RPS6KC1: variants seen among roughly 807,000 people sequenced by gnomAD.
RPS6KC1 encodes ribosomal protein S6 kinase C1.
Under a neutral mutation model 103.8 loss-of-function variants are expected in RPS6KC1, and 54 were observed. That is an observed-to-expected ratio of 0.52 (90% confidence interval 0.42 to 0.65). RPS6KC1 has a LOEUF of 0.65. Among genes scored for constraint, RPS6KC1 ranks in the 30% least tolerant of loss-of-function variants. The pLI is 0.00. For synonymous variants in RPS6KC1, 439 were observed against 438.7 expected (o/e 1.00, Z -0.01); for missense variants, 1,151 against 1,253.8 (o/e 0.92, Z 1.24).
In RPS6KC1 at chr1:213,051,263, G is replaced by C; in HGVS notation, c.-142G>C. 2 of 627,892 alleles carry C rather than the reference G, an allele frequency of 3.2e-6. No individual in the cohort carries two copies. The highest frequency in any genetic ancestry group is 5.6e-6 in the Non-Finnish European group (2 of 355,360). The allele number at this position is 627,892 out of a possible 1,614,324, so 38.9% of individuals were successfully genotyped here. ...GCTGACCCGGAAGCAGAGCTGTGCAGCTGAGGCGCCGCCGTGGAGCCGCCT... is the reference window on the plus strand; with the variant it reads ...GCTGACCCGGAAGCAGAGCTGTGCACCTGAGGCGCCGCCGTGGAGCCGCCT... On this transcript the variant is annotated 5_prime_UTR_variant, in exon 1 of 15. Coordinates refer to ENST00000366960, the MANE Select transcript of RPS6KC1 (RefSeq NM_012424.6).
chr1:213,560,622 C>G, the RPS6KC1 span, among the ~76,000 whole-genome samples: 1 of 152,200 alleles, frequency 6.6e-6, no homozygotes, highest in Middle Eastern at 3.4e-3. Flanking sequence ...CCTTTGAGAC[C>G]CTAAGTAGGG....
the RPS6KC1 span, among the ~76,000 whole-genome samples, chr1:213,665,959 A>C: frequency 1.3e-5 from 2 of 152,242 alleles, no homozygotes; most frequent in African/African-American, 4.8e-5. Flanking sequence ...ATTATATAAA[A>C]ACTTTTAATA....
intron 6 of RPS6KC1, among the ~76,000 whole-genome samples, chr1:213,151,389 A>G (rs1157513848): frequency 8.0e-6 from 1 of 125,186 alleles, no homozygotes; most frequent in Non-Finnish European, 1.7e-5. Context: ...CTGGCCGGGC[A>G]GAGGGGCTCC....
chr1:213,478,826 G>A, the RPS6KC1 span, among the ~76,000 whole-genome samples: 7,567 of 151,994 alleles, frequency 0.05, 613 homozygotes, highest in African/African-American at 0.17. Context: ...AAAATATCAC[G>A]GATGAAGTTT....
the RPS6KC1 span, among the ~76,000 whole-genome samples, chr1:213,326,032 G>C: frequency 2.0e-5 from 3 of 152,230 alleles, no homozygotes; most frequent in East Asian, 5.8e-4. Flanking sequence ...TAGGGATGCT[G>C]TTTTGTTTTC....
chr1:213,078,232 T>C (rs1412159442), intron 3 of RPS6KC1, among the ~76,000 whole-genome samples: 3 of 26,572 alleles, frequency 1.1e-4, no homozygotes, highest in Non-Finnish European at 4.2e-4. Context: ...CTTAGTATTC[T>C]TTTTTTTTTT....
At chr1:213,254,716 A>C (rs2094604302) in intron 12 of RPS6KC1, among the ~76,000 whole-genome samples, 1 of 152,214 alleles carries the variant, frequency 6.6e-6, no homozygotes, top group South Asian at 2.1e-4. Context: ...TAAGGACAAA[A>C]ATCCAGGATT....
chr1:213,465,197 C>G, the RPS6KC1 span, among the ~76,000 whole-genome samples: 22 of 152,168 alleles, frequency 1.4e-4, no homozygotes, highest in African/African-American at 3.9e-4. Context: ...TCCCCTACCC[C>G]CTCTCTTTTG....
At chr1:213,406,030 C>T in the RPS6KC1 span, among the ~76,000 whole-genome samples, 26 of 152,298 alleles carry the variant, frequency 1.7e-4, no homozygotes, top group South Asian at 4.1e-4. Flanking sequence ...GGGTGAGTCC[C>T]GAGGTGTCTG....
At chr1:213,852,159 G>A in the RPS6KC1 span, among the ~76,000 whole-genome samples, 1 of 152,044 alleles carries the variant, frequency 6.6e-6, no homozygotes. Context: ...GAAAGAAAAA[G>A]TAGTTCTATT....
At chr1:213,139,786 A>C (rs1354794593) in intron 6 of RPS6KC1, among the ~76,000 whole-genome samples, 3 of 151,962 alleles carry the variant, frequency 2.0e-5, no homozygotes, top group Non-Finnish European at 4.4e-5. Flanking sequence ...TGATGCCTCC[A>C]GGTTTGTTCT....
chr1:213,710,497 G>A, the RPS6KC1 span, among the ~76,000 whole-genome samples: 1 of 152,108 alleles, frequency 6.6e-6, no homozygotes, highest in African/African-American at 2.4e-5. Context: ...TTTAATTGGG[G>A]CATTTAGTCC....
At chr1:213,861,523 G>C in the RPS6KC1 span, among the ~76,000 whole-genome samples, 1 of 152,188 alleles carries the variant, frequency 6.6e-6, no homozygotes, top group South Asian at 2.1e-4. Context: ...TGAGAAAGAA[G>C]CTTTTAAAAC....
At chr1:213,388,548 A>G in the RPS6KC1 span, among the ~76,000 whole-genome samples, 7 of 152,240 alleles carry the variant, frequency 4.6e-5, no homozygotes, top group Non-Finnish European at 7.3e-5. Flanking sequence ...CTGGTTGCAA[A>G]TGAAAACCTG....
At chr1:213,253,774 G>A (rs977298439) in intron 12 of RPS6KC1, among the ~76,000 whole-genome samples, 22 of 152,152 alleles carry the variant, frequency 1.4e-4, no homozygotes, top group African/African-American at 4.8e-4. Context: ...AGTGTGTACT[G>A]TTCTTCTTTC....
chr1:213,453,456 G>A, the RPS6KC1 span, among the ~76,000 whole-genome samples: 2 of 152,092 alleles, frequency 1.3e-5, no homozygotes, highest in Non-Finnish European at 2.9e-5. Context: ...AAGGAGAGGA[G>A]AAATCTCACC....
At chr1:213,572,539 GT>G in the RPS6KC1 span, among the ~76,000 whole-genome samples, 3 of 152,030 alleles carry the variant, frequency 2.0e-5, no homozygotes, top group Non-Finnish European at 2.9e-5. Context: ...ACATTTTAAA[GT>G]TTTTTTTAAT....
the RPS6KC1 span, among the ~76,000 whole-genome samples, chr1:213,856,906 A>G: frequency 6.6e-6 from 1 of 152,204 alleles, no homozygotes; most frequent in Admixed American, 6.5e-5. Context: ...CTTCACCTCT[A>G]AAAATAGTAA....
chr1:213,857,361 G>T, the RPS6KC1 span, among the ~76,000 whole-genome samples: 1 of 152,176 alleles, frequency 6.6e-6, no homozygotes, highest in Non-Finnish European at 1.5e-5. Context: ...CTTTCTTCAT[G>T]AAAATTATGC....
Sources: gnomAD v4.1 joint callset for allele counts (sites outside exome capture counted in the v4.1 genomes callset) on GRCh38, gnomAD v4.1.1 for gene constraint, MANE v1.5 for transcripts, NCBI Gene and HGNC (gene_info 2026-07-23, HGNC 2026-07-21) for gene names.